The following RBM25 variants were observed in gnomAD, a reference collection of about 807,000 sequenced individuals.
The protein encoded by RBM25 is RNA-binding protein 25.
In RBM25, 19 loss-of-function variants were observed where a neutral mutation model predicts 120.7. The observed-to-expected ratio is 0.16, with a 90% CI of 0.11 to 0.23. RBM25 has a LOEUF of 0.23. Ranked by LOEUF, RBM25 falls within the 10% of genes least tolerant of loss-of-function variation. The pLI, the probability that RBM25 is intolerant of heterozygous loss-of-function variation, is 1.00. For missense variants in RBM25, 605 were observed against 1,041.5 expected, an observed-to-expected ratio of 0.58 and a Z score of 5.77; for synonymous variants, 390 against 326.7, an observed-to-expected ratio of 1.19 and a Z score of -2.09.
rs1896537320 is a variant in RBM25, at chr14:73,121,305, T to C, written c.*1500T>C. 1 of 152,580 alleles carries C rather than the reference T, an allele frequency of 6.6e-6. No individual in the cohort carries two copies. The highest frequency in any genetic ancestry group is 1.5e-5 in the Non-Finnish European group (1 of 68,030). The allele number at this position is 152,580 out of a possible 1,614,324, so 9.5% of individuals were successfully genotyped here. On this transcript the variant is annotated 3_prime_UTR_variant, in exon 19 of 19. Transcript: ENST00000261973. ...AAATATTTCAAATATTAAAAATGTA[T>C]ATATTTGATCCTGGGGACTCATATT...
chr14:73,077,354 G>A lies in RBM25; in HGVS notation c.157-15G>A. 1 of 1,571,522 alleles carries A rather than the reference G, an allele frequency of 6.4e-7. No homozygotes were observed. The highest frequency in any genetic ancestry group is 8.6e-7 in the Non-Finnish European group (1 of 1,161,312). On this transcript the variant is annotated splice_polypyrimidine_tract_variant and intron_variant, in intron 3 of 18. Transcript: ENST00000261973. ...TAATTGCTGGATCAATTTTTATTTT[G>A]TTTCTTCACCTTAGGTCTTAGTACC...
intron 6 of RBM25, among the ~76,000 whole-genome samples, chr14:73,094,036 C>T (rs1347019836): frequency 6.7e-6 from 1 of 149,226 alleles, no homozygotes; most frequent in Non-Finnish European, 1.5e-5. Flanking sequence ...ACTGCAAGCT[C>T]CGCCTCCCGG....
intron 6 of RBM25, among the ~76,000 whole-genome samples, chr14:73,088,788 CACAA>C (rs1170899557): frequency 1.3e-5 from 2 of 152,220 alleles, no homozygotes; most frequent in African/African-American, 2.4e-5. Flanking sequence ...CTTCCCCCAA[CACAA>C]ACAAAACCAG....
chr14:73,071,735 C>T lies in RBM25; in HGVS notation c.94C>T (p.Pro32Ser), dbSNP rs1895297893. 6.2e-7 allele frequency: 1 copy of T among 1,611,854 alleles called. No homozygotes were observed. Among genetic ancestry groups the T allele is most frequent in the Non-Finnish European group, 8.5e-7 (1 of 1,178,056 alleles). The change falls in exon 2 of 19, where the codon CCT becomes TCT. Residue 32 changes from proline (P) to serine (S), a missense_variant. Around this residue, in one of 4 missense-constraint regions of RBM25, gnomAD observed 90 missense variants for 107.3 expected, o/e 0.84. Transcript: ENST00000261973. ...CCCGCAGTTTCCAGGATTTCCTCCA[C>T]CTGTACCTCCAGGTAAGTTTGTTGA... is the stretch of plus-strand genomic sequence containing the variant. ...PPPQFPGFPP[P>S]VPPGTPMIPV... is the part of the protein sequence containing the mutation.
chr14:73,060,536 C>A (rs1482302266), intron 1 of RBM25, among the ~76,000 whole-genome samples: 1 of 151,488 alleles, frequency 6.6e-6, no homozygotes, highest in African/African-American at 2.4e-5. Flanking sequence ...TCAATCTTAA[C>A]ATCTTGCTAA....
intron 6 of RBM25, 135 bp from the exon 7 acceptor site, chr14:73,096,780 A>G (rs1895950153): frequency 1.4e-6 from 1 of 690,122 alleles, no homozygotes; most frequent in Non-Finnish European, 2.4e-6. Context: ...TGTTAAGAAC[A>G]AAACCAATTC....
intron 18 of RBM25, among the ~76,000 whole-genome samples, chr14:73,117,824 A>G (rs1488002384): frequency 6.6e-6 from 1 of 152,156 alleles, no homozygotes; most frequent in African/African-American, 2.4e-5. Context: ...AACTTCCTCT[A>G]TGAAGACCTG....
chr14:73,080,949 C>T (rs906727629), intron 4 of RBM25, among the ~76,000 whole-genome samples: 3 of 150,450 alleles, frequency 2.0e-5, no homozygotes, highest in African/African-American at 4.9e-5. Context: ...CTTAGCCTCC[C>T]GAGTAGCTGG....
chr14:73,073,324 C>T (rs1443856089), intron 2 of RBM25, among the ~76,000 whole-genome samples: 1 of 152,046 alleles, frequency 6.6e-6, no homozygotes, highest in Non-Finnish European at 1.5e-5. Flanking sequence ...GTCTGAAAAG[C>T]CCCAAGATAA....
intron 1 of RBM25, among the ~76,000 whole-genome samples, chr14:73,069,536 C>T (rs1377225508): frequency 2.0e-5 from 3 of 151,768 alleles, no homozygotes; most frequent in Non-Finnish European, 4.4e-5. Context: ...CTGGTTCAAG[C>T]GATTCTCCTG....
chr14:73,116,032 G>A (rs144986257), intron 18 of RBM25, among the ~76,000 whole-genome samples: 9 of 152,152 alleles, frequency 5.9e-5, no homozygotes, highest in African/African-American at 1.7e-4. Context: ...TGCTCTTACA[G>A]TGGATAAGGT....
chr14:73,064,864 A>G (rs537808713), intron 1 of RBM25: 1 of 151,584 alleles, frequency 6.6e-6, no homozygotes, highest in Admixed American at 6.6e-5. Context: ...GCATAAACGA[A>G]AATTAAATAT....
intron 16 of RBM25, 120 bp downstream of exon 16, chr14:73,111,922 C>A: frequency 1.6e-6 from 2 of 1,276,058 alleles, no homozygotes; most frequent in Non-Finnish European, 2.1e-6. Context: ...TAGGGATGAT[C>A]ATCTTGACAC....
At chr14:73,097,195 T>TTTTTA in intron 7 of RBM25, 95 bp downstream of exon 7, 1 of 384,312 alleles carries the variant, frequency 2.6e-6, no homozygotes, top group Non-Finnish European at 3.5e-6. Flanking sequence ...TTTTTTCTTT[T>TTTTTA]CTTTTTTTTT....
chr14:73,116,274 C>T (rs1896425646), intron 18 of RBM25, among the ~76,000 whole-genome samples: 1 of 152,014 alleles, frequency 6.6e-6, no homozygotes, highest in Non-Finnish European at 1.5e-5. Context: ...AGCGGGAAGA[C>T]AGCAATGGGA....
intron 1 of RBM25, 176 bp downstream of exon 1, chr14:73,058,881 G>A (rs1393643263): frequency 1.3e-5 from 2 of 152,330 alleles, no homozygotes; most frequent in African/African-American, 4.8e-5. Context: ...TCTTCTCTAA[G>A]GCCTGGAAAA....
intron 4 of RBM25, among the ~76,000 whole-genome samples, chr14:73,081,068 C>G (rs1409049445): frequency 6.6e-6 from 1 of 151,700 alleles, no homozygotes; most frequent in Non-Finnish European, 1.5e-5. Context: ...CCAGTGATCT[C>G]CCTGCCTCAG....
chr14:73,093,950 T>TG (rs1895874844), intron 6 of RBM25, among the ~76,000 whole-genome samples: 1 of 142,998 alleles, frequency 7.0e-6, no homozygotes, highest in Non-Finnish European at 1.6e-5. Context: ...CAGGTTTTGT[T>TG]TTTTTTTTTT....
chr14:73,076,528 A>T (rs1204921795), intron 3 of RBM25, among the ~76,000 whole-genome samples, 160 bp downstream of exon 3: 1 of 152,120 alleles, frequency 6.6e-6, no homozygotes, highest in Non-Finnish European at 1.5e-5. Context: ...AATAAGTATC[A>T]TTTTCACTTA....
Sources: allele counts gnomAD v4.1 joint callset (sites outside exome capture counted in the v4.1 genomes callset), GRCh38; gene constraint gnomAD v4.1.1; regional missense constraint gnomAD v4.1.1; transcripts MANE v1.5; gene names NCBI Gene and HGNC (gene_info 2026-07-23, HGNC 2026-07-21).